SPATA13: variants seen among roughly 807,000 people sequenced by gnomAD.
SPATA13 encodes the protein spermatogenesis-associated protein 13.
Under a neutral mutation model 104.0 loss-of-function variants are expected in SPATA13, and 50 were observed. That is an observed-to-expected ratio of 0.48 (90% CI 0.38 to 0.61). SPATA13 has a LOEUF of 0.61. Among genes scored for constraint, SPATA13 ranks in the 20% least tolerant of loss-of-function variants. The pLI is 0.00. For synonymous variants in SPATA13, 606 were observed against 667.5 expected (o/e 0.91, Z 1.42); for missense variants, 1,524 against 1,690.6 (o/e 0.90, Z 1.73).
At chr13:24,074,711 C>T (rs916819532) in intron 3 of SPATA13, among the ~76,000 whole-genome samples, 3 of 152,138 alleles carry the variant, frequency 2.0e-5, no homozygotes, top group Non-Finnish European at 2.9e-5. Context: ...GAAAGAAAAA[C>T]TTCAGACAAT....
At chr13:24,253,984 G>A (rs1873648996) in intron 4 of SPATA13, among the ~76,000 whole-genome samples, 1 of 152,142 alleles carries the variant, frequency 6.6e-6, no homozygotes, top group African/African-American at 2.4e-5. Flanking sequence ...GGCAGCAGGA[G>A]CATATTATGT....
chr13:24,271,414 T>C (rs1184476654), intron 4 of SPATA13, among the ~76,000 whole-genome samples: 1 of 152,182 alleles, frequency 6.6e-6, no homozygotes, highest in African/African-American at 2.4e-5. Flanking sequence ...GGCTGTGAGC[T>C]GATCTTTGAA....
intron 3 of SPATA13, among the ~76,000 whole-genome samples, chr13:24,118,052 C>G (rs2137821026): frequency 6.6e-6 from 1 of 152,260 alleles, no homozygotes; most frequent in South Asian, 2.1e-4. Flanking sequence ...TTTGTTACAA[C>G]CAACTACAGA....
chr13:24,198,951 C>CTTTTT (rs3067263), intron 1 of SPATA13, among the ~76,000 whole-genome samples: 3 of 140,336 alleles, frequency 2.1e-5, no homozygotes, highest in East Asian at 2.0e-4. Flanking sequence ...ACTATAAAAT[C>CTTTTT]TTTTTTTTTT....
At chr13:24,057,023 C>CTCTCTT (rs1878578497) in intron 3 of SPATA13, among the ~76,000 whole-genome samples, 1 of 146,510 alleles carries the variant, frequency 6.8e-6, no homozygotes, top group East Asian at 2.0e-4. Flanking sequence ...CTCTCTCTCT[C>CTCTCTT]TCTCTCTCTT....
chr13:24,228,348 C>T (rs536791775), intron 2 of SPATA13, among the ~76,000 whole-genome samples: 2 of 151,688 alleles, frequency 1.3e-5, no homozygotes, highest in East Asian at 3.9e-4. Flanking sequence ...ATCTCCTGAC[C>T]TCGTGATCTG....
At chr13:24,181,960 CA>C (rs1250035046) in intron 1 of SPATA13, among the ~76,000 whole-genome samples, 1 of 152,110 alleles carries the variant, frequency 6.6e-6, no homozygotes, top group Non-Finnish European at 1.5e-5. Context: ...ACTAAAAATA[CA>C]AAAATTAGCC....
intron 3 of SPATA13, among the ~76,000 whole-genome samples, chr13:24,108,706 A>C (rs1593334734): frequency 6.6e-6 from 1 of 152,172 alleles, no homozygotes; most frequent in South Asian, 2.1e-4. Flanking sequence ...GCATCCAGTG[A>C]GCTCCTGCAG....
At chr13:24,149,309 G>A (rs1482752881) in intron 3 of SPATA13, among the ~76,000 whole-genome samples, 1 of 152,206 alleles carries the variant, frequency 6.6e-6, no homozygotes, top group Non-Finnish European at 1.5e-5. Flanking sequence ...CACACCCCAT[G>A]AAGTAAAGGT....
intron 4 of SPATA13, among the ~76,000 whole-genome samples, chr13:24,282,612 A>G (rs1278967181): frequency 1.3e-5 from 2 of 151,676 alleles, no homozygotes; most frequent in Non-Finnish European, 2.9e-5. Flanking sequence ...ACTCCCACTA[A>G]CCTGTGTTCT....
At chr13:24,157,707 T>C (rs548895480), upstream of SPATA13, among the ~76,000 whole-genome samples, 1 of 152,296 alleles carries the variant, frequency 6.6e-6, no homozygotes, top group Admixed American at 6.5e-5. Context: ...GTTTCCTTTC[T>C]GCCCTGTACC....
At chr13:24,086,074 A>AGGAGAAAGCT (rs1879709122) in intron 3 of SPATA13, among the ~76,000 whole-genome samples, 1 of 112,228 alleles carries the variant, frequency 8.9e-6, no homozygotes, top group Non-Finnish European at 1.9e-5. Context: ...TGGGAGTAGC[A>AGGAGAAAGCT]GGAGAAAGCT....
chr13:24,157,147 G>A (rs564851917), upstream of SPATA13, among the ~76,000 whole-genome samples: 10 of 152,264 alleles, frequency 6.6e-5, no homozygotes, highest in African/African-American at 2.4e-4. Flanking sequence ...GACACTGACC[G>A]CAGATTTCTC....
chr13:24,286,250 C>G lies in SPATA13; in HGVS notation c.2338C>G (p.Leu780Val), dbSNP rs376088972. 2.5e-5 allele frequency: 40 copies of G among 1,613,870 alleles called. No individual in the cohort carries two copies. The highest frequency in any genetic ancestry group is 3.1e-5 in the Non-Finnish European group (37 of 1,180,004). The part of the protein sequence containing the change: ...SDGNVVCAEA[L>V]WDHVTMDDQE... Reference sequence around the variant, plus strand: ...TGGCAACGTGGTCTGCGCAGAAGCCCTGTGGGACCATGTGACCATGGATGA... The same window carrying G: ...TGGCAACGTGGTCTGCGCAGAAGCCGTGTGGGACCATGTGACCATGGATGA... The change falls in exon 6 of 13, where the codon CTG (leucine) becomes GTG (valine). Residue 780 changes from leucine (L) to valine (V), a missense_variant. By Grantham distance (32) the Leu-to-Val change is conservative. Around this residue, in one of 2 missense-constraint regions of SPATA13, gnomAD observed 1,089 missense variants for 1,135.9 expected, o/e 0.96. Coordinates refer to ENST00000382108, the MANE Select transcript of SPATA13 (RefSeq NM_001166271.3). The surrounding 1 kb of genome is among the most constrained non-coding windows in gnomAD (Gnocchi z 4.9).
chr13:24,210,605 G>T (rs1275126649), intron 1 of SPATA13, among the ~76,000 whole-genome samples: 1 of 151,824 alleles, frequency 6.6e-6, no homozygotes, highest in African/African-American at 2.4e-5. Context: ...CTATTCTGTT[G>T]GTCTATGTGT....
chr13:24,114,926 T>C (rs1214903238), intron 3 of SPATA13, among the ~76,000 whole-genome samples: 1 of 152,184 alleles, frequency 6.6e-6, no homozygotes, highest in Admixed American at 6.5e-5. Context: ...CCTCCCAAAG[T>C]GCCGGGATTA....
At chr13:24,147,454 T>G (rs913577853) in intron 3 of SPATA13, among the ~76,000 whole-genome samples, 1 of 152,158 alleles carries the variant, frequency 6.6e-6, no homozygotes, top group African/African-American at 2.4e-5. Context: ...AGCTTGTCTA[T>G]CCACTCTCTT....
upstream of SPATA13, among the ~76,000 whole-genome samples, chr13:24,157,211 A>G (rs1882282120): frequency 6.6e-6 from 1 of 152,224 alleles, no homozygotes; most frequent in Non-Finnish European, 1.5e-5. Context: ...CTGTGCTGTT[A>G]ATAAATTAAT....
rs1466411824 is a variant in SPATA13, at chr13:24,189,695, A to G, written c.-112+28763A>G. On this transcript the variant is annotated intron_variant, in intron 1 of 12. Transcript: ENST00000382108. Reference sequence around the variant, plus strand: ...TATTATATATATTTATATATAATATATAATATATTATATATAAAAGCATAT... The same window carrying G: ...TATTATATATATTTATATATAATATGTAATATATTATATATAAAAGCATAT... Among the ~76,000 whole-genome samples, 2 of 6,834 alleles carry G rather than the reference A, an allele frequency of 2.9e-4. 1 individual carries two copies. Among genetic ancestry groups the G allele is most frequent in the African/African-American group, 3.8e-4 (2 of 5,324 alleles). 4.5% of individuals were successfully genotyped at this position (6,834 alleles called of 152,430 possible). A position where few individuals can be genotyped will look rare whatever the true frequency, so the allele number is the denominator to read the frequency against.
Sources: gnomAD v4.1 joint callset for allele counts (sites outside exome capture counted in the v4.1 genomes callset) on GRCh38, gnomAD v4.1.1 for gene constraint, gnomAD v4.1.1 regional missense constraint, Gnocchi (gnomAD v3.1) non-coding constraint, MANE v1.5 for transcripts, NCBI Gene and HGNC (gene_info 2026-07-23, HGNC 2026-07-21) for gene names.